Variants in TRIO observed in about 807,000 individuals in gnomAD.
TRIO encodes the protein trio Rho guanine nucleotide exchange factor, also known as triple functional domain protein.
Under a neutral mutation model 351.9 loss-of-function variants are expected in TRIO, and 58 were observed. The observed-to-expected ratio is 0.16, with a 90% CI of 0.13 to 0.21. The LOEUF is 0.21. Among genes scored for constraint, TRIO ranks in the 10% least tolerant of loss-of-function variants. The pLI is 1.00. For missense variants in TRIO, 3,201 were observed against 4,027.8 expected (o/e 0.79, Z 5.56); for synonymous variants, 1,758 against 1,595.7 (o/e 1.10, Z -2.42).
chr5:14,487,423 T>G, intron 47 of TRIO, 41 bp from the exon 48 acceptor site: 3 of 1,088,156 alleles, frequency 2.8e-6, no homozygotes, highest in Non-Finnish European at 3.4e-6. Context: ...GCGTGCTCCT[T>G]GGCGCCCTGA....
intron 47 of TRIO, 115 bp from the exon 48 acceptor site, chr5:14,487,349 C>T (rs1410567359): frequency 9.5e-7 from 1 of 1,054,648 alleles, no homozygotes; most frequent in Admixed American, 4.1e-5. Flanking sequence ...TTGCTCTGCG[C>T]CCCTGCACGG....
intron 37 of TRIO, among the ~76,000 whole-genome samples, chr5:14,470,555 C>A (rs1357505285): frequency 6.6e-6 from 1 of 152,132 alleles, no homozygotes; most frequent in East Asian, 1.9e-4. Flanking sequence ...TCACATTAAT[C>A]CAAGGAGAGA....
intron 3 of TRIO, among the ~76,000 whole-genome samples, chr5:14,282,798 C>A (rs1400849821): frequency 6.6e-6 from 1 of 152,280 alleles, no homozygotes; most frequent in South Asian, 2.1e-4. Flanking sequence ...TGAACAGTCT[C>A]TTCATGTCAG....
intron 1 of TRIO, among the ~76,000 whole-genome samples, chr5:14,170,277 A>G (rs1390489141): frequency 5.3e-5 from 8 of 152,146 alleles, no homozygotes; most frequent in African/African-American, 1.9e-4. Context: ...TTCTTTCGTA[A>G]TTAAAAAATT....
intron 34 of TRIO, among the ~76,000 whole-genome samples, chr5:14,458,489 C>T (rs991838441): frequency 1.3e-5 from 2 of 152,200 alleles, no homozygotes; most frequent in Non-Finnish European, 2.9e-5. Flanking sequence ...CCCTTCTCAA[C>T]CCTAACAGGG....
chr5:14,290,065 C>T (rs1361836209), intron 4 of TRIO, among the ~76,000 whole-genome samples: 1 of 152,122 alleles, frequency 6.6e-6, no homozygotes, highest in African/African-American at 2.4e-5. Context: ...TGAATATTTT[C>T]TAAATTTTTA....
intron 11 of TRIO, among the ~76,000 whole-genome samples, chr5:14,348,495 A>G (rs1194247498): frequency 6.6e-6 from 1 of 152,174 alleles, no homozygotes; most frequent in Non-Finnish European, 1.5e-5. Context: ...GTGTGTCTGT[A>G]TGTACGTGCA....
At chr5:14,170,707 T>C (rs998068936) in intron 1 of TRIO, among the ~76,000 whole-genome samples, 1 of 152,146 alleles carries the variant, frequency 6.6e-6, no homozygotes, top group African/African-American at 2.4e-5. Context: ...GGTTTCACCA[T>C]GTTGGCCAGC....
chr5:14,466,769 G>T (rs570380932), intron 37 of TRIO, among the ~76,000 whole-genome samples: 2 of 152,154 alleles, frequency 1.3e-5, no homozygotes, highest in Non-Finnish European at 2.9e-5. Flanking sequence ...ATGTGTGTGC[G>T]TTTTCTTTCC....
At chr5:14,297,340 A>G (rs1737451691) in intron 7 of TRIO, 77 bp downstream of exon 7, 1 of 1,492,408 alleles carries the variant, frequency 6.7e-7, no homozygotes, top group Non-Finnish European at 9.0e-7. Flanking sequence ...TGTGTGTGCA[A>G]ACACTCTTGT....
intron 11 of TRIO, among the ~76,000 whole-genome samples, chr5:14,344,987 A>AT (rs528273430): frequency 7.0e-4 from 107 of 151,864 alleles, no homozygotes; most frequent in African/African-American, 2.1e-3. Context: ...GAAATAAGTG[A>AT]TTTTTTTTTC....
chr5:14,208,857 C>T (rs938621601), intron 1 of TRIO, among the ~76,000 whole-genome samples: 1 of 152,206 alleles, frequency 6.6e-6, no homozygotes, highest in Non-Finnish European at 1.5e-5. Context: ...ACTCTGAACC[C>T]TCTGCTGGTT....
At chr5:14,188,791 C>T (rs565429819) in intron 1 of TRIO, among the ~76,000 whole-genome samples, 3 of 152,246 alleles carry the variant, frequency 2.0e-5, no homozygotes, top group East Asian at 3.9e-4. Flanking sequence ...GTTTGTCCCG[C>T]GCATTGAATT....
In TRIO at chr5:14,476,725, C is replaced by T. The variant is rs533163524; in HGVS notation, c.6084-169C>T. 6.0e-5 allele frequency among the ~76,000 whole-genome samples: 9 copies of T among 151,072 alleles called. No individual in the cohort carries two copies. In the East Asian group the frequency reaches 1.8e-3, roughly 29 times the overall value. ...AGGAGAATTGCTTGAACCCAGGAGGCGGAGGTTGCAGTGAACCAAGATCAC... is the reference window on the plus strand; with the variant it reads ...AGGAGAATTGCTTGAACCCAGGAGGTGGAGGTTGCAGTGAACCAAGATCAC... On this transcript the variant is annotated intron_variant, in intron 40 of 56. Coordinates refer to ENST00000344204, the MANE Select transcript of TRIO (RefSeq NM_007118.4).
At chr5:14,259,390 GAGA>G (rs1795213762) in intron 1 of TRIO, among the ~76,000 whole-genome samples, 1 of 152,250 alleles carries the variant, frequency 6.6e-6, no homozygotes, top group African/African-American at 2.4e-5. Context: ...GGGGTAGGAG[GAGA>G]AGAATTGAAA....
intron 49 of TRIO, among the ~76,000 whole-genome samples, chr5:14,494,857 C>T (rs917886439): frequency 1.3e-5 from 2 of 152,364 alleles, no homozygotes; most frequent in South Asian, 4.1e-4. Flanking sequence ...CTAGATCATG[C>T]CACTGCACTC....
At chr5:14,374,395 G>A in intron 19 of TRIO, 52 bp downstream of exon 19, 1 of 1,408,738 alleles carries the variant, frequency 7.1e-7, no homozygotes, top group Non-Finnish European at 9.8e-7. Flanking sequence ...CCTGGCAAGA[G>A]ACAAAAGGAG....
At chr5:14,166,143 C>T (rs1052163635) in intron 1 of TRIO, among the ~76,000 whole-genome samples, 17 of 152,226 alleles carry the variant, frequency 1.1e-4, no homozygotes, top group Non-Finnish European at 1.5e-4. Flanking sequence ...GGGATGCTCC[C>T]GGTGGAGAGT....
chr5:14,202,313 TTTTTTTTTTTTTTTTTTG>T (rs1370215750), intron 1 of TRIO, among the ~76,000 whole-genome samples: 4 of 123,474 alleles, frequency 3.2e-5, no homozygotes, highest in African/African-American at 8.9e-5. Context: ...TTTTTTTTTT[TTTTTTTTTTTTTTTTTTG>T]CTCATCAGCT....
Sources: gnomAD v4.1 joint callset for allele counts (sites outside exome capture counted in the v4.1 genomes callset) on GRCh38, gnomAD v4.1.1 for gene constraint, MANE v1.5 for transcripts, NCBI Gene and HGNC (gene_info 2026-07-23, HGNC 2026-07-21) for gene names.